Variants in CHRNA7 observed in about 807,000 individuals in gnomAD.
CHRNA7 encodes the protein neuronal acetylcholine receptor subunit alpha-7.
CHRNA7 carries 17 observed loss-of-function variants against 48.0 expected under a neutral mutation model. That is an observed-to-expected ratio of 0.35 (90% confidence interval 0.24 to 0.53). The LOEUF (loss-of-function observed/expected upper bound fraction) is 0.53. CHRNA7 is among the 20% of genes least tolerant of loss of function. The pLI is 0.92. For synonymous variants in CHRNA7, 75 were observed against 242.3 expected, an observed-to-expected ratio of 0.31 and a Z score of 6.41; for missense variants, 155 against 577.7, an observed-to-expected ratio of 0.27 and a Z score of 7.50.
chr15:32,119,980 A>T (rs1365350055), intron 4 of CHRNA7, among the ~76,000 whole-genome samples: 2 of 152,184 alleles, frequency 1.3e-5, no homozygotes, highest in Non-Finnish European at 1.5e-5. Context: ...CACTGCGTTC[A>T]GCCTACTTGC....
At chr15:32,110,999 G>A (rs1049630500) in intron 3 of CHRNA7, among the ~76,000 whole-genome samples, 8 of 152,154 alleles carry the variant, frequency 5.3e-5, no homozygotes, top group African/African-American at 1.4e-4. Context: ...CCTCCTGTGG[G>A]GTGGTGCTGG....
chr15:32,046,824 T>C (rs2141179863), intron 2 of CHRNA7, among the ~76,000 whole-genome samples: 1 of 152,100 alleles, frequency 6.6e-6, no homozygotes, highest in South Asian at 2.1e-4. Context: ...AAGTCTTTAA[T>C]CCATCTTGAA....
chr15:32,041,794 T>C (rs11635209), intron 2 of CHRNA7, among the ~76,000 whole-genome samples: 135,769 of 152,286 alleles, frequency 0.89, 61,009 homozygotes, highest in South Asian at 0.95. Flanking sequence ...CTAGTAAGCC[T>C]ATCAAATATA....
At chr15:32,152,143 T>C (rs2051642457) in intron 4 of CHRNA7, among the ~76,000 whole-genome samples, 1 of 152,164 alleles carries the variant, frequency 6.6e-6, no homozygotes, top group Non-Finnish European at 1.5e-5. Flanking sequence ...TTACTCACTG[T>C]TCTTAGAAGC....
chr15:32,092,074 C>T (rs2050392804), intron 2 of CHRNA7, among the ~76,000 whole-genome samples: 1 of 152,166 alleles, frequency 6.6e-6, no homozygotes, highest in South Asian at 2.1e-4. Context: ...GTTTCACTTC[C>T]ATTTCCAACT....
intron 4 of CHRNA7, among the ~76,000 whole-genome samples, chr15:32,112,561 C>T (rs750163304): frequency 3.3e-5 from 5 of 152,318 alleles, no homozygotes; most frequent in Non-Finnish European, 7.4e-5. Context: ...TAAAATTTCT[C>T]GTTAAACTGC....
chr15:32,125,836 C>A (rs894898053), intron 4 of CHRNA7, among the ~76,000 whole-genome samples: 1 of 152,102 alleles, frequency 6.6e-6, no homozygotes, highest in East Asian at 1.9e-4. Context: ...TCCTGCTGGG[C>A]ATGAATGCCA....
chr15:32,051,437 G>A (rs564665620), intron 2 of CHRNA7, among the ~76,000 whole-genome samples: 9 of 152,294 alleles, frequency 5.9e-5, no homozygotes, highest in African/African-American at 7.2e-5. Context: ...CTCCATGGGC[G>A]TAGGACCCTC....
intron 4 of CHRNA7, among the ~76,000 whole-genome samples, chr15:32,114,730 G>A (rs1474236247): frequency 2.6e-5 from 4 of 152,240 alleles, no homozygotes; most frequent in African/African-American, 9.6e-5. Flanking sequence ...TATTGCTACA[G>A]AACAAACTCC....
intron 3 of CHRNA7, among the ~76,000 whole-genome samples, chr15:32,108,917 C>T (rs1373624160): frequency 6.6e-6 from 1 of 152,194 alleles, no homozygotes; most frequent in Non-Finnish European, 1.5e-5. Context: ...CCGCTAGTCT[C>T]TGCCAGACCC....
intron 2 of CHRNA7, among the ~76,000 whole-genome samples, chr15:32,091,679 C>T (rs775680122): frequency 6.6e-6 from 1 of 152,140 alleles, no homozygotes; most frequent in South Asian, 2.1e-4. Context: ...TCTCCACCTA[C>T]GAAAGAGAAT....
chr15:32,133,041 A>C (rs929455668), intron 4 of CHRNA7, among the ~76,000 whole-genome samples: 7 of 152,194 alleles, frequency 4.6e-5, no homozygotes, highest in African/African-American at 1.7e-4. Flanking sequence ...CTGTTTGCCC[A>C]GTCAGCATTG....
intron 2 of CHRNA7, among the ~76,000 whole-genome samples, chr15:32,057,490 C>G (rs1034024228): frequency 2.6e-5 from 4 of 152,170 alleles, no homozygotes; most frequent in Non-Finnish European, 5.9e-5. Context: ...GGTGTGTTAA[C>G]TTGGAAAACC....
intron 4 of CHRNA7, among the ~76,000 whole-genome samples, chr15:32,114,113 CATACATACAT>C (rs1218320433): frequency 2.7e-5 from 4 of 145,700 alleles, no homozygotes; most frequent in African/African-American, 1.0e-4. Context: ...TACACACACA[CATACATACAT>C]ATACATACAC....
intron 3 of CHRNA7, chr15:32,101,566 C>G: frequency 1.8e-6 from 1 of 547,198 alleles, no homozygotes; most frequent in East Asian, 3.2e-5. Flanking sequence ...TGCACAAGAT[C>G]AACACATAGG....
At chr15:32,064,938 A>G (rs138988079) in intron 2 of CHRNA7, among the ~76,000 whole-genome samples, 449 of 152,338 alleles carry the variant, frequency 2.9e-3, no homozygotes, top group Non-Finnish European at 4.8e-3. Context: ...AACAGAGCCT[A>G]TGAAGAACTT....
At chr15:32,070,007 A>G (rs932684190) in intron 2 of CHRNA7, among the ~76,000 whole-genome samples, 2 of 152,206 alleles carry the variant, frequency 1.3e-5, no homozygotes, top group Non-Finnish European at 2.9e-5. Context: ...TTGATGAAGC[A>G]TTTATTGTGG....
intron 4 of CHRNA7, among the ~76,000 whole-genome samples, chr15:32,147,988 A>G (rs2051527294): frequency 6.6e-6 from 1 of 152,146 alleles, no homozygotes; most frequent in East Asian, 1.9e-4. Flanking sequence ...GACACCTTAG[A>G]TCAGATAGAT....
intron 2 of CHRNA7, among the ~76,000 whole-genome samples, chr15:32,079,593 G>A (rs2050185524): frequency 6.6e-6 from 1 of 152,116 alleles, no homozygotes; most frequent in African/African-American, 2.4e-5. Context: ...AACAAGGGAA[G>A]TGAAGGACCT....
Sources: allele counts gnomAD v4.1 joint callset (sites outside exome capture counted in the v4.1 genomes callset), GRCh38; gene constraint gnomAD v4.1.1; transcripts MANE v1.5; gene names NCBI Gene and HGNC (gene_info 2026-07-23, HGNC 2026-07-21).